TNS1: variants seen among roughly 807,000 people sequenced by gnomAD.
The protein encoded by TNS1 is tensin-1.
TNS1 carries 62 observed loss-of-function variants against 168.6 expected under a neutral mutation model. The ratio of observed to expected loss-of-function variants is 0.37; its 90% CI spans 0.30 to 0.45. The LOEUF (loss-of-function observed/expected upper bound fraction) is 0.45. Ranked by LOEUF, TNS1 falls within the 20% of genes least tolerant of loss-of-function variation. The pLI, the probability that TNS1 is intolerant of heterozygous loss-of-function variation, is 1.00. For missense variants in TNS1, 2,240 were observed against 2,339.4 expected (o/e 0.96, Z 0.88); for synonymous variants, 934 against 933.2 (o/e 1.00, Z -0.02).
intron 22 of TNS1, chr2:217,829,695 C>T: frequency 2.3e-6 from 2 of 880,858 alleles, no homozygotes; most frequent in East Asian, 2.4e-5. Flanking sequence ...TATCTCATCA[C>T]CAAGCGTTGG....
chr2:217,857,521 G>C (rs979273476), intron 18 of TNS1, among the ~76,000 whole-genome samples: 1 of 152,190 alleles, frequency 6.6e-6, no homozygotes, highest in Admixed American at 6.5e-5. Context: ...TCTGTCAAGC[G>C]ATGATGATAA....
chr2:217,849,193 T>C, intron 18 of TNS1, 106 bp from the exon 19 acceptor site: 3 of 1,390,794 alleles, frequency 2.2e-6, no homozygotes, highest in Non-Finnish European at 2.9e-6. Context: ...TCCCATGCCC[T>C]GCATCCTAAA....
chr2:218,004,782 C>T (rs1958642695), upstream of TNS1, among the ~76,000 whole-genome samples: 1 of 152,204 alleles, frequency 6.6e-6, no homozygotes, highest in South Asian at 2.1e-4. Context: ...TGGGAAAGAT[C>T]CTGCCTCTAG....
At chr2:217,805,521 CA>C (rs1938555354) in intron 32 of TNS1, among the ~76,000 whole-genome samples, 1 of 9,818 alleles carries the variant, frequency 1.0e-4, no homozygotes, top group Admixed American at 1.1e-3. Flanking sequence ...ACACACCACA[CA>C]CACCACACAC....
chr2:217,842,101 C>T, intron 19 of TNS1: 1 of 703,058 alleles, frequency 1.4e-6, no homozygotes, highest in Non-Finnish European at 2.6e-6. Flanking sequence ...TGCTGGTTCC[C>T]TCCTCCTGTC....
upstream of TNS1, among the ~76,000 whole-genome samples, chr2:218,014,898 A>AGGAAGGAG (rs1958742680): frequency 6.6e-6 from 1 of 150,772 alleles, no homozygotes; most frequent in East Asian, 1.9e-4. Context: ...GAAGGAAGGA[A>AGGAAGGAG]GGAAGGAAGG....
At chr2:217,822,008 C>A (rs1403013932) in intron 22 of TNS1, 70 bp from the exon 23 acceptor site, 7 of 1,451,374 alleles carry the variant, frequency 4.8e-6, no homozygotes, top group South Asian at 1.4e-5. Context: ...CCCCCCCAAC[C>A]TCCCCTGGAA....
intron 1 of TNS1, among the ~76,000 whole-genome samples, chr2:218,024,951 T>C (rs929737964): frequency 2.6e-5 from 4 of 152,076 alleles, no homozygotes; most frequent in African/African-American, 7.2e-5. Flanking sequence ...CTAAAACAAC[T>C]GAGGAAAGGG....
At chr2:217,930,869 G>A (rs1174207147) in intron 3 of TNS1, among the ~76,000 whole-genome samples, 1 of 152,170 alleles carries the variant, frequency 6.6e-6, no homozygotes, top group Non-Finnish European at 1.5e-5. Context: ...GACCTATTCT[G>A]AAGCAGGGAG....
At chr2:217,866,460 T>C (rs1055507389) in intron 18 of TNS1, among the ~76,000 whole-genome samples, 1 of 152,096 alleles carries the variant, frequency 6.6e-6, no homozygotes, top group Admixed American at 6.5e-5. Flanking sequence ...TGTCTGAGGC[T>C]ATTTCTGCAG....
At chr2:217,996,403 C>T (rs998979793) in intron 1 of TNS1, among the ~76,000 whole-genome samples, 1 of 152,150 alleles carries the variant, frequency 6.6e-6, no homozygotes, top group African/African-American at 2.4e-5. Context: ...GGGGAAGGCT[C>T]AGATCCCCAG....
At chr2:217,955,941 G>A (rs1957350739) in intron 3 of TNS1, among the ~76,000 whole-genome samples, 1 of 152,150 alleles carries the variant, frequency 6.6e-6, no homozygotes, top group East Asian at 1.9e-4. Context: ...CCCACAAAAT[G>A]TCAGGCATCT....
intron 27 of TNS1, among the ~76,000 whole-genome samples, chr2:217,812,842 C>G (rs1229024189): frequency 2.0e-5 from 3 of 152,116 alleles, no homozygotes; most frequent in South Asian, 2.1e-4. Flanking sequence ...TTTCATGTGT[C>G]AATTCCTCCC....
chr2:217,893,316 C>T (rs1050441372), intron 10 of TNS1, 123 bp downstream of exon 10: 4 of 1,430,266 alleles, frequency 2.8e-6, no homozygotes, highest in East Asian at 2.5e-5. Context: ...CTTATATGCT[C>T]GCAAAATCCA....
In TNS1 at chr2:217,842,564, A is replaced by C. The variant is rs538014287; in HGVS notation, c.3007+4946T>G. Among the ~76,000 whole-genome samples the C allele has an allele frequency of 4.6e-5, 7 of 152,246 alleles. 1 individual carries two copies. The South Asian group carries it at 1.4e-3, about 32-fold the overall frequency. On this transcript the variant is annotated intron_variant, in intron 19 of 32. Coordinates refer to ENST00000682258, the MANE Select transcript of TNS1 (RefSeq NM_001387777.1). ...CCTTTCCATGGCCACTGCCCAGATC[A>C]ATAGCAGCAGCCACCTAACTGCTCT...
chr2:217,847,813 C>G lies in TNS1; in HGVS notation c.2704G>C (p.Glu902Gln), dbSNP rs143009413. The G allele has an allele frequency of 1.3e-6, 2 of 1,598,636 alleles. No individual in the cohort carries two copies. Among genetic ancestry groups the G allele is most frequent in the Non-Finnish European group, 1.7e-6 (2 of 1,167,270 alleles). Residue 902 changes from glutamate to glutamine, a missense_variant, in exon 19 of 33, where the codon GAG (glutamate) becomes CAG (glutamine). Transcript: ENST00000682258. ...IPSGHSLGTP[E>Q]PAPRASLESV... ...TCCAGAGAGGCCCGTGGGGCTGGCT[C>G]AGGGGTTCCCAACGAATGCCCACTG...
At chr2:217,963,455 C>T (rs907183535) in intron 3 of TNS1, among the ~76,000 whole-genome samples, 5 of 152,176 alleles carry the variant, frequency 3.3e-5, no homozygotes, top group African/African-American at 1.2e-4. Flanking sequence ...ATCCTCACCA[C>T]AAGACTGCAG....
At chr2:217,870,568 C>T (rs762965136) in intron 18 of TNS1, among the ~76,000 whole-genome samples, 1 of 152,076 alleles carries the variant, frequency 6.6e-6, no homozygotes, top group African/African-American at 2.4e-5. Context: ...GGGAGGGAGG[C>T]TGAGGGGGAA....
intron 3 of TNS1, among the ~76,000 whole-genome samples, chr2:217,969,930 G>A (rs114500217): frequency 0.013 from 1,986 of 152,208 alleles, 49 homozygotes; most frequent in African/African-American, 0.046. Context: ...AAGTAGGGTC[G>A]TTACAGATGT....
Sources: gnomAD v4.1 joint callset for allele counts (sites outside exome capture counted in the v4.1 genomes callset) on GRCh38, gnomAD v4.1.1 for gene constraint, MANE v1.5 for transcripts, NCBI Gene and HGNC (gene_info 2026-07-23, HGNC 2026-07-21) for gene names.